Variants in ZNF487 observed in about 807,000 individuals in gnomAD.
ZNF487 encodes the protein zinc finger protein 487.
A neutral mutation model predicts 3.0 loss-of-function variants in ZNF487; 4 were observed. The observed-to-expected ratio is 1.35, with a 90% CI of 0.66 to 3.08. ZNF487 has a LOEUF of 3.08. ZNF487 is among the 30% of genes most tolerant of loss of function. ZNF487 has a pLI of 0.01. For missense variants in ZNF487, 146 were observed against 98.7 expected (o/e 1.48, Z -2.03); for synonymous variants, 55 against 34.6 (o/e 1.59, Z -2.06).
In ZNF487 at chr10:43,480,420, T is replaced by C. The variant is rs572946418; in HGVS notation, c.131-1009T>C. On this transcript the variant is annotated intron_variant, in intron 3 of 3. Transcript: ENST00000437590. ...CGCACCTGGCCACTTTTTATTATTA[T>C]TTTTTTATTTTTTGAAATGGAGTCT... 1.5e-3 allele frequency among the ~76,000 whole-genome samples: 220 copies of C among 150,226 alleles called. 1 individual carries two copies. Among genetic ancestry groups the C allele is most frequent in the African/African-American group, 5.1e-3 (209 of 40,778 alleles).
chr10:43,477,109 A>G (rs1417520992), intron 3 of ZNF487, among the ~76,000 whole-genome samples: 1 of 152,158 alleles, frequency 6.6e-6, no homozygotes, highest in Non-Finnish European at 1.5e-5. Context: ...TAAAAATAAA[A>G]TACTGAAAAA....
chr10:43,440,198 G>T (rs1448432124), intron 1 of ZNF487, among the ~76,000 whole-genome samples: 2 of 151,730 alleles, frequency 1.3e-5, no homozygotes, highest in African/African-American at 2.4e-5. Flanking sequence ...ACAGGTGCCC[G>T]CCACCATGCC....
chr10:43,520,165 C>T, the ZNF487 span, among the ~76,000 whole-genome samples: 1 of 148,130 alleles, frequency 6.8e-6, no homozygotes, highest in African/African-American at 2.5e-5. Context: ...TATCTGATAC[C>T]TGACCAGATT....
At chr10:43,514,791 T>C in the ZNF487 span, among the ~76,000 whole-genome samples, 5 of 152,318 alleles carry the variant, frequency 3.3e-5, no homozygotes, top group East Asian at 9.7e-4. Flanking sequence ...AGAGGGCTCT[T>C]CAAAGATGCA....
intron 1 of ZNF487, among the ~76,000 whole-genome samples, chr10:43,469,632 T>A (rs1840833638): frequency 2.0e-5 from 3 of 152,120 alleles, no homozygotes; most frequent in African/African-American, 7.2e-5. Flanking sequence ...TGAACCAATG[T>A]ACTTGGCCTG....
At chr10:43,507,736 G>A in the ZNF487 span, among the ~76,000 whole-genome samples, 19 of 152,258 alleles carry the variant, frequency 1.2e-4, no homozygotes, top group African/African-American at 3.4e-4. Flanking sequence ...CTTCCTGGAT[G>A]TGGATCCTAA....
the ZNF487 span, among the ~76,000 whole-genome samples, chr10:43,516,304 T>G: frequency 5.3e-5 from 8 of 152,188 alleles, no homozygotes; most frequent in African/African-American, 1.9e-4. Flanking sequence ...CTATTAGAAG[T>G]AGAGTCCTTG....
chr10:43,464,413 C>G lies in ZNF487; in HGVS notation c.-93-11308C>G, dbSNP rs183628138. ...TTTTATTGATCATTCTTGGGTGTTT[C>G]TCGCAGAGGGGGATTTGGCAGGGTC... On this transcript the variant is annotated intron_variant, in intron 1 of 3. Coordinates refer to ENST00000437590, the MANE Select transcript of ZNF487 (RefSeq NM_001355444.3). Among the ~76,000 whole-genome samples the G allele has an allele frequency of 2.1e-3, 323 of 151,620 alleles. 1 individual carries two copies. The highest frequency in any genetic ancestry group is 7.3e-3 in the African/African-American group (303 of 41,340).
chr10:43,436,854 C>T (rs576653397), upstream of ZNF487: 1 of 467,990 alleles, frequency 2.1e-6, no homozygotes, highest in Admixed American at 2.4e-5. Context: ...GGCCCCGCCC[C>T]CGGACGCCCA....
the ZNF487 span, among the ~76,000 whole-genome samples, chr10:43,510,933 G>T: frequency 6.6e-6 from 1 of 152,302 alleles, no homozygotes; most frequent in South Asian, 2.1e-4. Context: ...TGGAATTGTT[G>T]TTGGGTCTCC....
chr10:43,503,814 C>T, the ZNF487 span, among the ~76,000 whole-genome samples: 1 of 152,102 alleles, frequency 6.6e-6, no homozygotes. Flanking sequence ...CACCATGTTG[C>T]CCAGGCTGGT....
At chr10:43,457,747 G>T (rs1344427958) in intron 1 of ZNF487, among the ~76,000 whole-genome samples, 1 of 150,970 alleles carries the variant, frequency 6.6e-6, no homozygotes, top group Non-Finnish European at 1.5e-5. Context: ...TCTTTGCCGG[G>T]CAGGGTGGCT....
intron 3 of ZNF487, among the ~76,000 whole-genome samples, chr10:43,478,194 A>G (rs1005448747): frequency 7.2e-5 from 11 of 152,238 alleles, no homozygotes; most frequent in African/African-American, 2.6e-4. Context: ...CCAACCCAAG[A>G]GGATTGCTTG....
At chr10:43,449,839 C>G (rs1387903232) in intron 1 of ZNF487, among the ~76,000 whole-genome samples, 1 of 151,958 alleles carries the variant, frequency 6.6e-6, no homozygotes, top group Non-Finnish European at 1.5e-5. Context: ...ACCACCACTC[C>G]TGGCTAATTT....
At chr10:43,500,361 G>A in the ZNF487 span, among the ~76,000 whole-genome samples, 51 of 152,080 alleles carry the variant, frequency 3.4e-4, no homozygotes, top group Admixed American at 1.6e-3. Flanking sequence ...AGGAGATCAA[G>A]GCTGTAGTGA....
intron 1 of ZNF487, among the ~76,000 whole-genome samples, chr10:43,445,729 G>T (rs60311186): frequency 0.032 from 4,913 of 151,824 alleles, 260 homozygotes; most frequent in African/African-American, 0.11. Context: ...TTCTCCGAGG[G>T]GGGATTTGGC....
the ZNF487 span, among the ~76,000 whole-genome samples, chr10:43,505,746 A>G: frequency 2.1e-5 from 3 of 144,860 alleles, no homozygotes; most frequent in South Asian, 2.2e-4. Flanking sequence ...AGGTTCAAGG[A>G]ATTCTCCTGC....
chr10:43,502,895 G>T, the ZNF487 span, among the ~76,000 whole-genome samples: 1 of 152,084 alleles, frequency 6.6e-6, no homozygotes, highest in Admixed American at 6.6e-5. Context: ...GCCAGATGTG[G>T]TGGCACATGC....
chr10:43,488,868 G>A, the ZNF487 span, among the ~76,000 whole-genome samples: 61 of 152,178 alleles, frequency 4.0e-4, no homozygotes, highest in Middle Eastern at 6.8e-3. Flanking sequence ...TGTTATCCCA[G>A]CACTTTGGGA....
Sources: allele counts gnomAD v4.1 joint callset (sites outside exome capture counted in the v4.1 genomes callset), GRCh38; gene constraint gnomAD v4.1.1; transcripts MANE v1.5; gene names NCBI Gene and HGNC (gene_info 2026-07-23, HGNC 2026-07-21).